Variants in PLEKHM1 observed in about 807,000 individuals in gnomAD.
PLEKHM1 encodes pleckstrin homology and RUN domain containing M1.
PLEKHM1 carries 28 observed loss-of-function variants against 94.3 expected under a neutral mutation model. That is an observed-to-expected ratio of 0.30 (90% CI 0.22 to 0.41). PLEKHM1 has a LOEUF of 0.41. PLEKHM1 is among the 10% of genes least tolerant of loss of function. The pLI, the probability that PLEKHM1 is intolerant of heterozygous loss-of-function variation, is 1.00. For missense variants in PLEKHM1, 907 were observed against 1,358.6 expected (o/e 0.67, Z 5.22); for synonymous variants, 424 against 581.2 (o/e 0.73, Z 3.89).
At chr17:45,460,134 G>C (rs1597957569) in intron 5 of PLEKHM1, 1 of 152,382 alleles carries the variant, frequency 6.6e-6, no homozygotes, top group Non-Finnish European at 1.5e-5. Context: ...GGGGAGACAG[G>C]AGTGACATGT....
intron 3 of PLEKHM1, among the ~76,000 whole-genome samples, chr17:45,476,551 C>G (rs1460743553): frequency 6.6e-6 from 1 of 152,136 alleles, no homozygotes; most frequent in Admixed American, 6.6e-5. Flanking sequence ...AATGGCCCCA[C>G]ACCCAGCTGT....
intron 7 of PLEKHM1, among the ~76,000 whole-genome samples, chr17:45,452,650 A>G (rs2050805952): frequency 6.6e-6 from 1 of 152,064 alleles, no homozygotes; most frequent in Non-Finnish European, 1.5e-5. Context: ...CAGAAGTATT[A>G]GATTTGATGA....
At position 45,454,308 on chromosome 17, in the gene PLEKHM1, C is replaced by G. The variant is rs746812381; in HGVS notation, c.1580-36G>C. On this transcript the variant is annotated intron_variant, in intron 6 of 11. Coordinates refer to ENST00000430334, the MANE Select transcript of PLEKHM1 (RefSeq NM_014798.3). ...AGGCAAAAAGGGGCACATTAGTTGG[C>G]GGGCCTGTCTCTGTCCTGCCCAAGG... is the stretch of plus-strand genomic sequence containing the variant. 5.2e-6 allele frequency: 8 copies of G among 1,545,112 alleles called. No individual in the cohort carries two copies. In the Admixed American group the frequency reaches 1.5e-4, roughly 30 times the overall value.
In PLEKHM1 at chr17:45,437,997, T is replaced by C; in HGVS notation, c.3060-28A>G. 2 of 1,577,778 alleles carry C rather than the reference T, an allele frequency of 1.3e-6. No homozygotes were observed. Among genetic ancestry groups the C allele is most frequent in the Non-Finnish European group, 1.7e-6 (2 of 1,149,066 alleles). The stretch of plus-strand genomic sequence containing the variant: ...GGGGAGAGAGCAGTAGGCCTGCTGG[T>C]GCCGGCTGGGCTGGAGGTTGCCCTG... On this transcript the variant is annotated intron_variant, in intron 11 of 11. Coordinates refer to ENST00000430334, the MANE Select transcript of PLEKHM1 (RefSeq NM_014798.3). This position sits in a 1 kb window ranked among gnomAD's most constrained non-coding sequence, Gnocchi z 4.0.
intron 5 of PLEKHM1, among the ~76,000 whole-genome samples, chr17:45,466,576 T>C (rs1292758036): frequency 6.6e-6 from 1 of 152,188 alleles, no homozygotes; most frequent in East Asian, 1.9e-4. Context: ...TACAACTCAA[T>C]TTAAGACCGG....
At position 45,487,588 on chromosome 17, in the gene PLEKHM1, T is replaced by C; in HGVS notation, c.-42+3064A>G. 6 of 400,242 alleles carry C rather than the reference T, an allele frequency of 1.5e-5. No homozygotes were observed. In the Middle Eastern group the frequency reaches 2.6e-3, roughly 173 times the overall value. 24.8% of individuals were successfully genotyped at this position (400,242 alleles called of 1,614,324 possible). ...CTAAAGTCTCAGAGCTATACTTTCT[T>C]AAATGTTCCAACATAGTTAGGAAGG... On this transcript the variant is annotated intron_variant, in intron 1 of 11. Coordinates refer to ENST00000430334, the MANE Select transcript of PLEKHM1 (RefSeq NM_014798.3).
intron 8 of PLEKHM1, among the ~76,000 whole-genome samples, chr17:45,448,537 A>G (rs1349905007): frequency 6.6e-6 from 1 of 152,234 alleles, no homozygotes; most frequent in Non-Finnish European, 1.5e-5. Flanking sequence ...GAAGAAAACC[A>G]AATTTGCACC....
chr17:45,456,581 G>A (rs2050955394), intron 6 of PLEKHM1, among the ~76,000 whole-genome samples: 1 of 152,238 alleles, frequency 6.6e-6, no homozygotes, highest in African/African-American at 2.4e-5. Context: ...TTCGCTGGCA[G>A]GTTAGAGACC....
At chr17:45,464,444 G>C (rs2051255656) in intron 5 of PLEKHM1, among the ~76,000 whole-genome samples, 1 of 152,160 alleles carries the variant, frequency 6.6e-6, no homozygotes, top group Non-Finnish European at 1.5e-5. Flanking sequence ...CAAATAAAAA[G>C]CACGTGGCTA....
At chr17:45,477,834 G>A (rs2051801869) in intron 3 of PLEKHM1, 66 bp downstream of exon 3, 1 of 1,592,698 alleles carries the variant, frequency 6.3e-7, no homozygotes, top group Admixed American at 1.7e-5. Context: ...AGCTGGGGAG[G>A]AAAAGCCAAG....
intron 1 of PLEKHM1, among the ~76,000 whole-genome samples, chr17:45,489,320 TCTGG>T (rs2052231911): frequency 6.6e-6 from 1 of 152,144 alleles, no homozygotes; most frequent in South Asian, 2.1e-4. Context: ...TGCCATCAGC[TCTGG>T]CAGGGAGAGG....
At chr17:45,440,123 C>T (rs1489757720) in intron 10 of PLEKHM1, 40 bp downstream of exon 10, 3 of 1,576,818 alleles carry the variant, frequency 1.9e-6, no homozygotes, top group Non-Finnish European at 1.7e-6. Flanking sequence ...GGAATGAAGT[C>T]TCTCTAGAGG....
At chr17:45,443,655 C>A (rs929329697) in intron 9 of PLEKHM1, among the ~76,000 whole-genome samples, 8 of 151,952 alleles carry the variant, frequency 5.3e-5, no homozygotes, top group Middle Eastern at 3.4e-3. Flanking sequence ...CCACAACCCA[C>A]CCCACAGGCA....
At chr17:45,460,612 A>G (rs1366714260) in intron 5 of PLEKHM1, among the ~76,000 whole-genome samples, 1 of 152,200 alleles carries the variant, frequency 6.6e-6, no homozygotes, top group Non-Finnish European at 1.5e-5. Flanking sequence ...ACTGGAGTAC[A>G]GTGGCGCAAT....
chr17:45,480,204 C>T (rs987442648), intron 2 of PLEKHM1, among the ~76,000 whole-genome samples: 8 of 152,206 alleles, frequency 5.3e-5, no homozygotes, highest in Non-Finnish European at 7.3e-5. Context: ...ATTTTCTGGC[C>T]GGGCACAGTG....
chr17:45,487,994 G>A (rs2052183129), intron 1 of PLEKHM1: 13 of 352,042 alleles, frequency 3.7e-5, no homozygotes, highest in South Asian at 2.8e-4. Flanking sequence ...TTTCAGGCAT[G>A]TGAGTGCTGA....
chr17:45,476,779 T>G (rs1474715221), intron 3 of PLEKHM1, among the ~76,000 whole-genome samples: 1 of 152,174 alleles, frequency 6.6e-6, no homozygotes, highest in Non-Finnish European at 1.5e-5. Context: ...CTCCGTCTGA[T>G]GTACATGCCC....
Position 45,453,631 on chromosome 17 carries a change from C to G in PLEKHM1, c.2221G>C (p.Gly741Arg). 2 of 1,610,806 alleles carry G rather than the reference C, an allele frequency of 1.2e-6. No homozygotes were observed. The highest frequency in any genetic ancestry group is 1.7e-6 in the Non-Finnish European group (2 of 1,178,474). Reference protein sequence around the residue: ...IRDILPDTSLGGPSFFKIITA... With the variant: ...IRDILPDTSLRGPSFFKIITA... ...ATGATTTTGAAGAAGGATGGGCCCC[C>G]AAGGCTGGTGTCTGGCAGGATGTCC... is the stretch of plus-strand genomic sequence containing the variant. Residue 741 changes from glycine to arginine, a missense_variant, in exon 7 of 12, where the codon GGG becomes CGG. Around this residue, in one of 3 missense-constraint regions of PLEKHM1, gnomAD observed 254 missense variants for 451.1 expected, o/e 0.56. Transcript: ENST00000430334. This position sits in a 1 kb window ranked among gnomAD's most constrained non-coding sequence, Gnocchi z 4.1.
chr17:45,449,998 C>T (rs1300116437), intron 8 of PLEKHM1, among the ~76,000 whole-genome samples: 1 of 151,852 alleles, frequency 6.6e-6, no homozygotes, highest in Non-Finnish European at 1.5e-5. Flanking sequence ...CCTACCTACC[C>T]ATCCACCTAA....
Sources: allele counts gnomAD v4.1 joint callset (sites outside exome capture counted in the v4.1 genomes callset), GRCh38; gene constraint gnomAD v4.1.1; regional missense constraint gnomAD v4.1.1; non-coding constraint Gnocchi (gnomAD v3.1); transcripts MANE v1.5; gene names NCBI Gene and HGNC (gene_info 2026-07-23, HGNC 2026-07-21).